Variants in LARP4B observed in about 807,000 individuals in gnomAD.
LARP4B encodes La ribonucleoprotein 4B, also known as la-related protein 4B.
A neutral mutation model predicts 89.8 loss-of-function variants in LARP4B; 12 were observed. That is an observed-to-expected ratio of 0.13 (90% CI 0.09 to 0.22). LARP4B has a LOEUF of 0.22. Ranked by LOEUF, LARP4B falls within the 10% of genes least tolerant of loss-of-function variation. The pLI is 1.00. For missense variants in LARP4B, 757 were observed against 947.7 expected (o/e 0.80, Z 2.64); for synonymous variants, 367 against 363.3 (o/e 1.01, Z -0.12).
At chr10:976,914 T>C in the LARP4B span, among the ~76,000 whole-genome samples, 7,571 of 151,410 alleles carry the variant, frequency 0.05, 617 homozygotes, top group African/African-American at 0.17. Context: ...AAGGTAGGCC[T>C]GTCACGTAAT....
upstream of LARP4B, among the ~76,000 whole-genome samples, chr10:934,604 C>CT (rs1358107685): frequency 6.6e-6 from 1 of 152,152 alleles, no homozygotes; most frequent in Non-Finnish European, 1.5e-5. Context: ...TCATGATCTT[C>CT]TTTTTTTCAA....
chr10:961,640 G>A, the LARP4B span, among the ~76,000 whole-genome samples: 2 of 152,098 alleles, frequency 1.3e-5, no homozygotes, highest in African/African-American at 4.8e-5. Context: ...ATGAGGCCTC[G>A]GGAAGGTCCA....
At chr10:896,288 T>C (rs185944725) in intron 1 of LARP4B, among the ~76,000 whole-genome samples, 68 of 152,352 alleles carry the variant, frequency 4.5e-4, no homozygotes, top group African/African-American at 1.4e-3. Context: ...TTCACTCTTA[T>C]TCTCTCCTCA....
chr10:875,545 T>C (rs1238509408), intron 3 of LARP4B, among the ~76,000 whole-genome samples: 2 of 152,244 alleles, frequency 1.3e-5, no homozygotes, highest in Non-Finnish European at 2.9e-5. Context: ...AACCATTCTG[T>C]GCTGCTCTAA....
At chr10:831,695 C>T (rs1832913751) in intron 8 of LARP4B, among the ~76,000 whole-genome samples, 1 of 152,196 alleles carries the variant, frequency 6.6e-6, no homozygotes, top group Admixed American at 6.5e-5. Context: ...GGCACTGCTT[C>T]CGCAGTGGGG....
At chr10:898,103 G>A (rs1836242841) in intron 1 of LARP4B, among the ~76,000 whole-genome samples, 1 of 151,442 alleles carries the variant, frequency 6.6e-6, no homozygotes, top group African/African-American at 2.4e-5. Flanking sequence ...CATTCGTCAT[G>A]AGGGAAATAC....
chr10:845,811 A>G (rs371642948), intron 5 of LARP4B, among the ~76,000 whole-genome samples: 15 of 152,332 alleles, frequency 9.8e-5, no homozygotes, highest in African/African-American at 3.4e-4. Context: ...AAATGCTAAG[A>G]ACTAAGTTTT....
Position 822,869 on chromosome 10 carries a change from G to A in LARP4B, c.1485-2024C>T, listed in dbSNP as rs1832429440. 6.6e-6 allele frequency among the ~76,000 whole-genome samples: 1 copy of A among 152,218 alleles called. No homozygotes were observed. Among genetic ancestry groups the A allele is most frequent in the South Asian group, 2.1e-4 (1 of 4,828 alleles). The stretch of plus-strand genomic sequence containing the variant: ...ACCCAGCTGGGCCGTGCCCTGCCAT[G>A]GCCGCCATGCAAGGGTAGGGACATG... On this transcript the variant is annotated intron_variant, in intron 13 of 17. Transcript: ENST00000316157. This position sits in a 1 kb window ranked among gnomAD's most constrained non-coding sequence, Gnocchi z 4.6.
chr10:826,091 G>T (rs758420230), intron 11 of LARP4B, among the ~76,000 whole-genome samples: 1 of 152,214 alleles, frequency 6.6e-6, no homozygotes, highest in East Asian at 1.9e-4. Flanking sequence ...ACAATCCAGC[G>T]AGGAGAACTG....
intron 1 of LARP4B, among the ~76,000 whole-genome samples, chr10:918,859 G>C (rs866742512): frequency 2.4e-4 from 36 of 152,012 alleles, no homozygotes; most frequent in Non-Finnish European, 1.5e-4. Flanking sequence ...GGTGGATCAC[G>C]AGGTCAGGAG....
intron 5 of LARP4B, among the ~76,000 whole-genome samples, chr10:857,118 T>A (rs1389680635): frequency 6.6e-6 from 1 of 151,838 alleles, no homozygotes; most frequent in Non-Finnish European, 1.5e-5. Flanking sequence ...CTCAAGAAAG[T>A]TACAAGGCAT....
intron 1 of LARP4B, among the ~76,000 whole-genome samples, chr10:914,110 A>G (rs2132028952): frequency 6.6e-6 from 1 of 152,334 alleles, no homozygotes; most frequent in East Asian, 1.9e-4. Context: ...AACAAAATAT[A>G]TTTAGGTTAT....
chr10:987,573 C>T, the LARP4B span: 1 of 152,208 alleles, frequency 6.6e-6, no homozygotes, highest in Non-Finnish European at 1.5e-5. Flanking sequence ...GAGGCTGTTG[C>T]AGAAATTAAA....
At chr10:947,140 G>C in the LARP4B span, among the ~76,000 whole-genome samples, 4 of 152,164 alleles carry the variant, frequency 2.6e-5, no homozygotes, top group Non-Finnish European at 5.9e-5. Flanking sequence ...AAAGTGCTGG[G>C]ATTACAGGCG....
chr10:935,727 T>C (rs369024473), upstream of LARP4B, among the ~76,000 whole-genome samples: 779 of 133,980 alleles, frequency 5.8e-3, 3 homozygotes, highest in Non-Finnish European at 8.4e-3. Flanking sequence ...CTTTTCTTTT[T>C]TTTTTTTTTT....
intron 8 of LARP4B, among the ~76,000 whole-genome samples, chr10:832,198 C>T (rs940744884): frequency 1.3e-4 from 20 of 152,058 alleles, no homozygotes; most frequent in East Asian, 7.7e-4. Flanking sequence ...CACCCGCCAC[C>T]GCGCCCGGCT....
At chr10:935,597 G>A (rs1403824392), upstream of LARP4B, among the ~76,000 whole-genome samples, 4 of 152,186 alleles carry the variant, frequency 2.6e-5, no homozygotes, top group African/African-American at 9.7e-5. Context: ...CAGAGGCAGC[G>A]AGGGCAGTGA....
chr10:986,578 C>A, the LARP4B span: 1 of 152,190 alleles, frequency 6.6e-6, no homozygotes, highest in Admixed American at 6.5e-5. Flanking sequence ...ATGCTTGGTA[C>A]CTTATCATTG....
intron 3 of LARP4B, among the ~76,000 whole-genome samples, chr10:866,609 T>C (rs946400749): frequency 2.6e-5 from 4 of 152,208 alleles, no homozygotes; most frequent in African/African-American, 9.6e-5. Context: ...AATACTTCCA[T>C]ACATCACCTT....
Sources: gnomAD v4.1 joint callset for allele counts (sites outside exome capture counted in the v4.1 genomes callset) on GRCh38, gnomAD v4.1.1 for gene constraint, Gnocchi (gnomAD v3.1) non-coding constraint, MANE v1.5 for transcripts, NCBI Gene and HGNC (gene_info 2026-07-23, HGNC 2026-07-21) for gene names.